PDE4D: variants seen among roughly 807,000 people sequenced by gnomAD.
The protein encoded by PDE4D is phosphodiesterase 4D, also known as 3',5'-cyclic-AMP phosphodiesterase 4D.
PDE4D carries 24 observed loss-of-function variants against 87.4 expected under a neutral mutation model. The observed-to-expected ratio is 0.27, with a 90% CI of 0.20 to 0.39. PDE4D has a LOEUF of 0.39. Among genes scored for constraint, PDE4D ranks in the 10% least tolerant of loss-of-function variants. The probability of loss-of-function intolerance (pLI) is 1.00; values close to 1 mark genes in which losing one functional copy is unlikely to be tolerated. For synonymous variants in PDE4D, 384 were observed against 383.2 expected (o/e 1.00, Z -0.02); for missense variants, 714 against 1,041.0 (o/e 0.69, Z 4.32).
intron 2 of PDE4D, among the ~76,000 whole-genome samples, chr5:60,148,944 A>G (rs750198379): frequency 6.6e-6 from 1 of 152,182 alleles, no homozygotes. Flanking sequence ...TGATTTTTTC[A>G]GGGCAAAGTA....
chr5:59,137,055 G>A (rs1777174435), intron 5 of PDE4D, among the ~76,000 whole-genome samples: 1 of 152,130 alleles, frequency 6.6e-6, no homozygotes. Context: ...TGCTGCAGAG[G>A]CCTAAGCATG....
At chr5:60,139,594 T>C (rs1347738237) in intron 2 of PDE4D, among the ~76,000 whole-genome samples, 1 of 151,948 alleles carries the variant, frequency 6.6e-6, no homozygotes. Flanking sequence ...TAACTCAATA[T>C]ATAACCCAAT....
At chr5:59,289,832 G>T (rs1201302967) in intron 1 of PDE4D, among the ~76,000 whole-genome samples, 1 of 151,972 alleles carries the variant, frequency 6.6e-6, no homozygotes, top group Non-Finnish European at 1.5e-5. Context: ...CAGCAAAGTT[G>T]TAGGATACAA....
At chr5:59,663,592 AATCT>A (rs1745602438) in intron 1 of PDE4D, among the ~76,000 whole-genome samples, 2 of 152,206 alleles carry the variant, frequency 1.3e-5, no homozygotes, top group Admixed American at 1.3e-4. Flanking sequence ...TATTTCTAAT[AATCT>A]ATTAGATTTT....
chr5:59,976,961 C>A (rs1244579794), intron 3 of PDE4D, among the ~76,000 whole-genome samples: 2 of 152,160 alleles, frequency 1.3e-5, no homozygotes, highest in Non-Finnish European at 2.9e-5. Context: ...CATGTATTCT[C>A]ACTGCTTCAC....
chr5:59,215,739 A>G, intron 2 of PDE4D, 38 bp downstream of exon 2: 1 of 1,561,240 alleles, frequency 6.4e-7, no homozygotes. Flanking sequence ...ATATAAATTT[A>G]CTCGGTTTTC....
intron 1 of PDE4D, among the ~76,000 whole-genome samples, chr5:59,310,065 G>T (rs944465358): frequency 1.3e-5 from 2 of 152,128 alleles, no homozygotes; most frequent in South Asian, 2.1e-4. Context: ...CCTGGTGGGC[G>T]ACAGCAGAGG....
chr5:59,278,834 A>G (rs540650373), intron 1 of PDE4D, among the ~76,000 whole-genome samples: 50 of 152,236 alleles, frequency 3.3e-4, no homozygotes, highest in African/African-American at 1.1e-3. Context: ...GCCCCGATAC[A>G]ACTTGGCAAC....
chr5:59,932,140 G>C (rs574885195), intron 3 of PDE4D, among the ~76,000 whole-genome samples: 3 of 152,182 alleles, frequency 2.0e-5, no homozygotes, highest in Admixed American at 6.5e-5. Context: ...ATTCAGGTAG[G>C]TCAAGTGTTA....
At chr5:59,582,983 A>G (rs1435766373) in intron 1 of PDE4D, among the ~76,000 whole-genome samples, 2 of 152,242 alleles carry the variant, frequency 1.3e-5, no homozygotes, top group East Asian at 3.9e-4. Context: ...AGCATTCCAC[A>G]GCCTCTCCTA....
chr5:59,372,544 T>C (rs1784086330), intron 1 of PDE4D, among the ~76,000 whole-genome samples: 1 of 152,304 alleles, frequency 6.6e-6, no homozygotes, highest in Non-Finnish European at 1.5e-5. Context: ...AGTAAACACG[T>C]GGGCTGTACA....
chr5:59,915,001 G>A (rs975177892), intron 3 of PDE4D, among the ~76,000 whole-genome samples: 1 of 151,896 alleles, frequency 6.6e-6, no homozygotes, highest in African/African-American at 2.4e-5. Flanking sequence ...GTGAAGTGGG[G>A]TTTCTGGGGA....
At chr5:60,280,308 A>G (rs1479993570) in intron 1 of PDE4D, among the ~76,000 whole-genome samples, 2 of 142,560 alleles carry the variant, frequency 1.4e-5, no homozygotes, top group Non-Finnish European at 3.1e-5. Flanking sequence ...TCCTCTATAT[A>G]CATACATATA....
At chr5:59,327,298 C>G (rs749320576) in intron 1 of PDE4D, among the ~76,000 whole-genome samples, 7 of 151,976 alleles carry the variant, frequency 4.6e-5, no homozygotes, top group Non-Finnish European at 7.4e-5. Context: ...GTGCTTTACT[C>G]TTTCTGAAAA....
chr5:59,369,570 A>G (rs895777137), intron 1 of PDE4D, among the ~76,000 whole-genome samples: 8 of 152,128 alleles, frequency 5.3e-5, no homozygotes, highest in Non-Finnish European at 1.0e-4. Context: ...ATGGGGCCCA[A>G]TCTCCCCAGG....
At chr5:59,266,970 A>G (rs1762957211) in intron 1 of PDE4D, among the ~76,000 whole-genome samples, 1 of 151,794 alleles carries the variant, frequency 6.6e-6, no homozygotes, top group Admixed American at 6.6e-5. Flanking sequence ...GTTTATTCAT[A>G]CAGTTGCTTC....
At chr5:59,197,440 G>A (rs1410144624) in intron 2 of PDE4D, among the ~76,000 whole-genome samples, 1 of 152,102 alleles carries the variant, frequency 6.6e-6, no homozygotes, top group Non-Finnish European at 1.5e-5. Context: ...TAGCATTTCA[G>A]TGGCAGATGT....
At chr5:60,387,460 G>A (rs1762265966) in intron 1 of PDE4D, among the ~76,000 whole-genome samples, 1 of 152,094 alleles carries the variant, frequency 6.6e-6, no homozygotes, top group South Asian at 2.1e-4. Flanking sequence ...ACCAATCTTT[G>A]CGTGTTACCA....
intron 6 of PDE4D, 27 bp from the exon 7 acceptor site, chr5:58,993,492 T>C (rs367791056): frequency 1.4e-6 from 2 of 1,430,938 alleles, no homozygotes; most frequent in African/African-American, 1.4e-5. Context: ...TAAAATGAAA[T>C]AATAGAAGAG....
Sources: allele counts gnomAD v4.1 joint callset (sites outside exome capture counted in the v4.1 genomes callset), GRCh38; gene constraint gnomAD v4.1.1; transcripts MANE v1.5; gene names NCBI Gene and HGNC (gene_info 2026-07-23, HGNC 2026-07-21).